DNAH1: variants seen among roughly 807,000 people sequenced by gnomAD.
The protein encoded by DNAH1 is axonemal beta dynein heavy chain 1.
DNAH1 carries 327 observed loss-of-function variants against 484.3 expected under a neutral mutation model. That is an observed-to-expected ratio of 0.68 (90% CI 0.62 to 0.74). The LOEUF (loss-of-function observed/expected upper bound fraction) is 0.74, where lower values mean the gene tolerates loss of function less well. DNAH1 is among the 30% of genes least tolerant of loss of function. The pLI is 0.00. For synonymous variants in DNAH1, 2,192 were observed against 2,191.9 expected (o/e 1.00, Z 0.00); for missense variants, 5,052 against 5,546.8 (o/e 0.91, Z 2.83).
chr3:52,322,593 A>G lies in DNAH1; in HGVS notation c.151A>G (p.Asn51Asp). ...ILPGSDYGLG[N>D]PPALDPKLPH... ...TCCAGGATCAGACTATGGGTTGGGA[A>G]ATCCTCCAGCCCTTGACCCCAAGCT... is the stretch of plus-strand genomic sequence containing the variant. The change falls in exon 2 of 78, where the codon AAT (asparagine) becomes GAT (aspartate). Residue 51 changes from asparagine (N) to aspartate (D), a missense_variant. By Grantham distance (23) the Asn-to-Asp change is conservative. Coordinates refer to ENST00000420323, the MANE Select transcript of DNAH1 (RefSeq NM_015512.5). The G allele has an allele frequency of 4.3e-6, 7 of 1,613,678 alleles. No homozygotes were observed. The highest frequency in any genetic ancestry group is 1.3e-5 in the African/African-American group (1 of 74,936).
chr3:52,356,522 T>G, intron 21 of DNAH1, 92 bp from the exon 22 acceptor site: 2 of 1,338,702 alleles, frequency 1.5e-6, no homozygotes, highest in South Asian at 1.3e-5. Flanking sequence ...CCCAACATGC[T>G]GGTGGGGTGA....
intron 48 of DNAH1, among the ~76,000 whole-genome samples, chr3:52,380,837 C>G (rs1341741873): frequency 6.6e-6 from 1 of 152,220 alleles, no homozygotes. Flanking sequence ...GGGACTGCCC[C>G]CAAGCCATCC....
chr3:52,384,413 T>C (rs895797795), intron 52 of DNAH1, among the ~76,000 whole-genome samples: 4 of 152,302 alleles, frequency 2.6e-5, no homozygotes, highest in Non-Finnish European at 5.9e-5. Flanking sequence ...CCTTGGGCCC[T>C]GTCTCCCCCT....
intron 4 of DNAH1, 32 bp downstream of exon 4, chr3:52,326,346 G>C (rs199966822): frequency 6.3e-7 from 1 of 1,585,736 alleles, no homozygotes; most frequent in African/African-American, 1.3e-5. Context: ...GGAGACTGTC[G>C]GGGAGGTGGC....
chr3:52,352,017 C>T lies in DNAH1; in HGVS notation c.2785C>T (p.Gln929Ter). Residue 929 changes from glutamine (Q) to a stop codon, truncating the protein, a stop_gained, in exon 17 of 78, where the codon CAG (glutamine) becomes TAG (stop). Coordinates refer to ENST00000420323, the MANE Select transcript of DNAH1 (RefSeq NM_015512.5). LOFTEE classifies it high-confidence loss of function. ...CCTTGGGCAGATAGAGCTGGTGCAGCAGCAGCATGTGGAGGATGAGGAGAA... is the reference window on the plus strand; with the variant it reads ...CCTTGGGCAGATAGAGCTGGTGCAGTAGCAGCATGTGGAGGATGAGGAGAA... ...KILGQIELVQQQHVEDEEKFR... is the reference protein window; with the variant it reads ...KILGQIELVQ The T allele has an allele frequency of 5.0e-6, 8 of 1,600,000 alleles. No homozygotes were observed. The highest frequency in any genetic ancestry group is 6.8e-6 in the Non-Finnish European group (8 of 1,173,468).
At chr3:52,360,519 T>C in intron 28 of DNAH1, 95 bp downstream of exon 28, 1 of 1,032,256 alleles carries the variant, frequency 9.7e-7, no homozygotes, top group Non-Finnish European at 1.4e-6. Flanking sequence ...TCTGGGGTGA[T>C]CTAGTCCATC....
In DNAH1 at chr3:52,396,863, C is replaced by G. The variant is rs766803318; in HGVS notation, c.11611-5C>G. 4 of 1,612,790 alleles carry G rather than the reference C, an allele frequency of 2.5e-6. No homozygotes were observed. Among genetic ancestry groups the G allele is most frequent in the Non-Finnish European group, 3.4e-6 (4 of 1,179,442 alleles). On this transcript the variant is annotated splice_region_variant and splice_polypyrimidine_tract_variant and intron_variant, in intron 72 of 77. Transcript: ENST00000420323. Reference sequence around the variant, plus strand: ...TAGGGGAGCCCTCACCCACCCACCCCATAGGTCCTCAAGTACACGGCAGGG... The same window carrying G: ...TAGGGGAGCCCTCACCCACCCACCCGATAGGTCCTCAAGTACACGGCAGGG...
intron 8 of DNAH1, among the ~76,000 whole-genome samples, 168 bp from the exon 9 acceptor site, chr3:52,344,322 G>A (rs1262000245): frequency 6.6e-6 from 1 of 152,172 alleles, no homozygotes; most frequent in Non-Finnish European, 1.5e-5. Flanking sequence ...CAGAGGAGGT[G>A]CACTTGGAGG....
intron 53 of DNAH1, 69 bp downstream of exon 53, chr3:52,385,046 T>G: frequency 6.6e-7 from 1 of 1,509,328 alleles, no homozygotes; most frequent in South Asian, 1.3e-5. Context: ...CAGCCCTGAC[T>G]CCAGGGTGAC....
chr3:52,323,195 G>T (rs1267573279), intron 2 of DNAH1, among the ~76,000 whole-genome samples: 1 of 152,146 alleles, frequency 6.6e-6, no homozygotes, highest in African/African-American at 2.4e-5. Flanking sequence ...TGTAAGAGTG[G>T]GGCCTGGGAG....
chr3:52,397,913 A>ACGGGCTGGG, intron 74 of DNAH1, 36 bp downstream of exon 74: 1 of 1,578,642 alleles, frequency 6.3e-7, no homozygotes, highest in Non-Finnish European at 8.6e-7. Flanking sequence ...CAAGGGCTGG[A>ACGGGCTGGG]CGGGCTGGGC....
At chr3:52,386,452 C>T in intron 55 of DNAH1, 107 bp downstream of exon 55, 1 of 1,416,752 alleles carries the variant, frequency 7.1e-7, no homozygotes, top group South Asian at 1.5e-5. Flanking sequence ...CCTCCTCATT[C>T]CAGCCCCCAG....
intron 22 of DNAH1, 92 bp from the exon 23 acceptor site, chr3:52,357,522 G>A (rs906318177): frequency 1.3e-6 from 2 of 1,495,438 alleles, no homozygotes; most frequent in African/African-American, 1.4e-5. Context: ...CCGCTGAGGG[G>A]CTCTGGCTGG....
intron 7 of DNAH1, 135 bp downstream of exon 7, chr3:52,331,444 G>A (rs1238677556): frequency 1.2e-5 from 13 of 1,062,206 alleles, no homozygotes; most frequent in African/African-American, 3.2e-5. Flanking sequence ...TGCCCTGACC[G>A]GTGAGGACCA....
chr3:52,346,101 GTC>G (rs1553631651), intron 10 of DNAH1, among the ~76,000 whole-genome samples: 1 of 152,188 alleles, frequency 6.6e-6, no homozygotes, highest in Non-Finnish European at 1.5e-5. Context: ...GTCTCTGTCT[GTC>G]TCTCCACCTT....
chr3:52,364,581 G>C lies in DNAH1; in HGVS notation c.5245-57G>C. On this transcript the variant is annotated intron_variant, in intron 32 of 77. Transcript: ENST00000420323. The surrounding 1 kb of genome is among the most constrained non-coding windows in gnomAD (Gnocchi z 4.2). ...GCCAGGTGGGAGGCAGAGTGTTCCA[G>C]GCAGAAGCCTTGGAGAGGGACAGTG... 6.3e-7 allele frequency: 1 copy of C among 1,584,824 alleles called. No individual in the cohort carries two copies. The highest frequency in any genetic ancestry group is 8.7e-7 in the Non-Finnish European group (1 of 1,153,856).
intron 1 of DNAH1, among the ~76,000 whole-genome samples, chr3:52,322,167 C>T (rs1172372393): frequency 6.6e-6 from 1 of 152,152 alleles, no homozygotes; most frequent in Non-Finnish European, 1.5e-5. Flanking sequence ...CAGCCCTTAA[C>T]TCTGGGTGGG....
Position 52,352,773 on chromosome 3 carries a change from A to G in DNAH1, c.3027+66A>G. The G allele has an allele frequency of 1.3e-6, 2 of 1,539,166 alleles. 1 individual carries two copies. Among genetic ancestry groups the G allele is most frequent in the Middle Eastern group, 4.5e-4 (2 of 4,404 alleles). On this transcript the variant is annotated intron_variant, in intron 18 of 77. Coordinates refer to ENST00000420323, the MANE Select transcript of DNAH1 (RefSeq NM_015512.5). ...TTGAGGAAGCAGCTCATGTAGATGC[A>G]GCTGCCAGGAGGCAGGGCTCTGGCA...
Position 52,373,029 on chromosome 3 carries a change from G to T in DNAH1, c.6961G>T (p.Gly2321Cys), listed in dbSNP as rs377744924. 2 of 1,612,520 alleles carry T rather than the reference G, an allele frequency of 1.2e-6. No homozygotes were observed. Among genetic ancestry groups the T allele is most frequent in the South Asian group, 1.1e-5 (1 of 91,036 alleles). ...ELLRQWMDHG[G>C]WYDRKIIGAF... The stretch of plus-strand genomic sequence containing the variant: ...GTTGCGCCAGTGGATGGACCACGGC[G>T]GCTGGTACGACCGCAAGATCATTGG... Residue 2321 changes from glycine to cysteine, a missense_variant, in exon 44 of 78, where the codon GGC becomes TGC. Gly to Cys is a radical substitution (Grantham distance 159). This residue lies in a region of DNAH1 where 2,929 missense variants were observed against 3,409.4 expected (regional missense o/e 0.86). Coordinates refer to ENST00000420323, the MANE Select transcript of DNAH1 (RefSeq NM_015512.5).
Sources: allele counts gnomAD v4.1 joint callset (sites outside exome capture counted in the v4.1 genomes callset), GRCh38; gene constraint gnomAD v4.1.1; regional missense constraint gnomAD v4.1.1; non-coding constraint Gnocchi (gnomAD v3.1); transcripts MANE v1.5; gene names NCBI Gene and HGNC (gene_info 2026-07-23, HGNC 2026-07-21).